Variants in UGT1A6 observed in about 807,000 individuals in gnomAD.
UGT1A6 encodes the protein UDP glucuronosyltransferase family 1 member A6, also known as UDP-glucuronosyltransferase 1A6.
A neutral mutation model predicts 44.4 loss-of-function variants in UGT1A6; 32 were observed. The ratio of observed to expected loss-of-function variants is 0.72; its 90% CI spans 0.54 to 0.97. The LOEUF is 0.97. Ranked by LOEUF, UGT1A6 falls within the 50% of genes least tolerant of loss-of-function variation. UGT1A6 has a pLI of 0.00. For missense variants in UGT1A6, 685 were observed against 661.9 expected, an observed-to-expected ratio of 1.03 and a Z score of -0.38; for synonymous variants, 238 against 248.5, an observed-to-expected ratio of 0.96 and a Z score of 0.40.
chr2:233,764,154 G>A (rs967840775), intron 1 of UGT1A6, among the ~76,000 whole-genome samples: 1 of 152,226 alleles, frequency 6.6e-6, no homozygotes, highest in Non-Finnish European at 1.5e-5. Flanking sequence ...TTTGGCTGGT[G>A]AAGTCTCATC....
Position 233,693,660 on chromosome 2 carries a change from CCTAT to C in UGT1A6, c.661_664del (p.Leu221PhefsTer22). 16 of 1,614,092 alleles carry C rather than the reference CCTAT, an allele frequency of 9.9e-6. No individual in the cohort carries two copies. The highest frequency in any genetic ancestry group is 1.4e-5 in the Non-Finnish European group (16 of 1,180,018). The stretch of plus-strand genomic sequence containing the variant: ...AACTTCCTTGTTAATTTGTTGGAGC[CCTAT>C]CTATTTTATTGTCTGTTTTCAAAGT... On this transcript the variant is annotated frameshift_variant, in exon 1 of 5. Transcript: ENST00000305139. LOFTEE classifies it high-confidence loss of function.
intron 1 of UGT1A6, chr2:233,721,813 G>C: frequency 1.9e-6 from 1 of 515,244 alleles, no homozygotes; most frequent in South Asian, 1.4e-5. Context: ...CAAAAATCCA[G>C]CACCCTATTT....
intron 1 of UGT1A6, chr2:233,743,649 C>A (rs754713764): frequency 5.1e-6 from 7 of 1,367,168 alleles, no homozygotes; most frequent in Admixed American, 1.9e-5. Context: ...AAGCTGAAGA[C>A]GTACTCGAAG....
intron 1 of UGT1A6, chr2:233,730,029 G>A: frequency 6.2e-7 from 1 of 1,613,388 alleles, no homozygotes. Context: ...CAATGTTCCA[G>A]GCAAAACACT....
intron 1 of UGT1A6, among the ~76,000 whole-genome samples, chr2:233,725,606 C>T (rs1199312835): frequency 2.0e-5 from 3 of 152,058 alleles, no homozygotes; most frequent in South Asian, 4.1e-4. Context: ...ATAGTTTTTT[C>T]TTGCTAAGTC....
At chr2:233,727,146 G>T (rs2077588157) in intron 1 of UGT1A6, among the ~76,000 whole-genome samples, 1 of 152,194 alleles carries the variant, frequency 6.6e-6, no homozygotes, top group Non-Finnish European at 1.5e-5. Context: ...GACCACACAG[G>T]TCAGTCTTTC....
At chr2:233,753,552 A>G (rs1695233420) in intron 1 of UGT1A6, 1 of 152,146 alleles carries the variant, frequency 6.6e-6, no homozygotes, top group African/African-American at 2.4e-5. Context: ...CTCAGAGGTG[A>G]CCCTAGAAGA....
At chr2:233,699,122 C>T (rs2075486151) in intron 1 of UGT1A6, among the ~76,000 whole-genome samples, 2 of 152,198 alleles carry the variant, frequency 1.3e-5, no homozygotes, top group African/African-American at 4.8e-5. Flanking sequence ...AACAGTTCTA[C>T]TTATGTCAGA....
At chr2:233,695,097 G>GT (rs948360141) in intron 1 of UGT1A6, among the ~76,000 whole-genome samples, 12 of 148,828 alleles carry the variant, frequency 8.1e-5, no homozygotes, top group Admixed American at 7.3e-4. Flanking sequence ...ATCTAATGGT[G>GT]TTTTTGTGCC....
At position 233,694,026 on chromosome 2, in the gene UGT1A6, T is replaced by G. The variant is rs45617840; in HGVS notation, c.861+161T>G. On this transcript the variant is annotated intron_variant, in intron 1 of 4. Transcript: ENST00000305139. ...GAGCAGCGGGAACACATAGGAGACC[T>G]GAGGCTGAAGTGATACAGAGGCATT... Among the ~76,000 whole-genome samples, 569 of 152,270 alleles carry G rather than the reference T, an allele frequency of 3.7e-3. 7 individuals carry two copies. Among genetic ancestry groups the G allele is most frequent in the African/African-American group, 0.013 (545 of 41,542 alleles).
intron 1 of UGT1A6, among the ~76,000 whole-genome samples, chr2:233,696,335 C>T (rs1189013784): frequency 6.6e-6 from 1 of 152,172 alleles, no homozygotes; most frequent in Non-Finnish European, 1.5e-5. Context: ...TTTCCTTATA[C>T]AGATCTTTCA....
intron 1 of UGT1A6, among the ~76,000 whole-genome samples, chr2:233,720,871 ATTTTTT>A (rs60621337): frequency 7.5e-6 from 1 of 132,772 alleles, no homozygotes; most frequent in African/African-American, 2.9e-5. Flanking sequence ...GCTCCTGGCA[ATTTTTT>A]TTTTTTTTTT....
chr2:233,715,019 G>A (rs1306215776), intron 1 of UGT1A6, among the ~76,000 whole-genome samples: 2 of 152,164 alleles, frequency 1.3e-5, no homozygotes, highest in African/African-American at 4.8e-5. Context: ...TGGAACTACA[G>A]GCGCATGGCA....
At chr2:233,725,981 C>T (rs28899190) in intron 1 of UGT1A6, among the ~76,000 whole-genome samples, 4,581 of 152,048 alleles carry the variant, frequency 0.03, 268 homozygotes, top group African/African-American at 0.1. Flanking sequence ...GCCTGGGAAA[C>T]GTGCTGAGAC....
At chr2:233,744,160 C>A (rs555064194) in intron 1 of UGT1A6, 3 of 294,534 alleles carry the variant, frequency 1.0e-5, no homozygotes, top group Non-Finnish European at 2.0e-5. Context: ...CCAGGCCCCG[C>A]CCACTCCGGC....
At chr2:233,703,807 CTCTG>C (rs34781889) in intron 1 of UGT1A6, among the ~76,000 whole-genome samples, 44,412 of 151,762 alleles carry the variant, frequency 0.29, 6,672 homozygotes, top group South Asian at 0.36. Flanking sequence ...GTCTGATAAT[CTCTG>C]TCTTTTAATT....
chr2:233,772,879 G>T lies in UGT1A6; in HGVS notation c.*320G>T. The stretch of plus-strand genomic sequence containing the variant: ...AAACATGGCCTGTTTGGGAGTGCGG[G>T]ATTCAAAGGTGGTCCCACGGCTGCC... On this transcript the variant is annotated 3_prime_UTR_variant, in exon 5 of 5. Transcript: ENST00000305139. The T allele has an allele frequency of 1.7e-6, 1 of 580,054 alleles. No individual in the cohort carries two copies. The allele number at this position is 580,054 out of a possible 1,614,324, so 35.9% of individuals were successfully genotyped here. A position where few individuals can be genotyped will look rare whatever the true frequency, so the allele number is the denominator to read the frequency against.
intron 1 of UGT1A6, among the ~76,000 whole-genome samples, chr2:233,746,427 A>G (rs1283364507): frequency 1.3e-5 from 2 of 151,688 alleles, no homozygotes; most frequent in African/African-American, 4.9e-5. Flanking sequence ...CTATTAACTT[A>G]TGTCTTCAGC....
intron 1 of UGT1A6, among the ~76,000 whole-genome samples, chr2:233,724,823 G>C (rs377063392): frequency 1.5e-5 from 2 of 135,304 alleles, no homozygotes; most frequent in Admixed American, 7.3e-5. Context: ...CTGCAATCTC[G>C]GCACTTTGGG....
Sources: allele counts gnomAD v4.1 joint callset (sites outside exome capture counted in the v4.1 genomes callset), GRCh38; gene constraint gnomAD v4.1.1; transcripts MANE v1.5; gene names NCBI Gene and HGNC (gene_info 2026-07-23, HGNC 2026-07-21).